IGF2BP2: variants seen among roughly 807,000 people sequenced by gnomAD.
The protein encoded by IGF2BP2 is insulin like growth factor 2 mRNA binding protein 2.
In IGF2BP2, 17 loss-of-function variants were observed where a neutral mutation model predicts 75.8. That is an observed-to-expected ratio of 0.22 (90% CI 0.15 to 0.34). The LOEUF (loss-of-function observed/expected upper bound fraction) is 0.34, where lower values mean the gene tolerates loss of function less well. Ranked by LOEUF, IGF2BP2 falls within the 10% of genes least tolerant of loss-of-function variation. The pLI is 1.00. For synonymous variants in IGF2BP2, 288 were observed against 295.6 expected (o/e 0.97, Z 0.26); for missense variants, 516 against 772.4 (o/e 0.67, Z 3.93).
intron 2 of IGF2BP2, among the ~76,000 whole-genome samples, chr3:185,804,128 G>C (rs1738655770): frequency 6.6e-6 from 1 of 151,930 alleles, no homozygotes; most frequent in Admixed American, 6.6e-5. Context: ...GTGGTGGCAT[G>C]TGCCTGTAAT....
At position 185,644,775 on chromosome 3, in the gene IGF2BP2, T is replaced by C. The variant is rs1330777500; in HGVS notation, c.*756A>G. Reference sequence around the variant, plus strand: ...AGCAAAGAGAAATGGGTGTATGAGCTAGACAGGCATGAGGAGTGACAGAGT... The same window carrying C: ...AGCAAAGAGAAATGGGTGTATGAGCCAGACAGGCATGAGGAGTGACAGAGT... On this transcript the variant is annotated 3_prime_UTR_variant, in exon 16 of 16. Coordinates refer to ENST00000382199, the MANE Select transcript of IGF2BP2 (RefSeq NM_006548.6). 1 of 152,634 alleles carries C rather than the reference T, an allele frequency of 6.6e-6. No individual in the cohort carries two copies. Among genetic ancestry groups the C allele is most frequent in the Non-Finnish European group, 1.5e-5 (1 of 68,056 alleles). The allele number at this position is 152,634 out of a possible 1,614,324, so 9.5% of individuals were successfully genotyped here. A position where few individuals can be genotyped will look rare whatever the true frequency, so the allele number is the denominator to read the frequency against.
chr3:185,765,594 A>G (rs538569774), intron 2 of IGF2BP2, among the ~76,000 whole-genome samples: 53 of 152,300 alleles, frequency 3.5e-4, no homozygotes, highest in African/African-American at 1.2e-3. Flanking sequence ...GAGGGAAAAG[A>G]GGAGAATTGA....
rs2149018557 is a variant in IGF2BP2 at position 185,645,592 on chromosome 3, T to C, written c.1739A>G (p.Gln580Arg). The change falls in exon 16 of 16, where the codon CAA becomes CGA. Residue 580 changes from glutamine (Q) to arginine (R), a missense_variant. This residue lies in a region of IGF2BP2 where 129 missense variants were observed against 230.5 expected (regional missense o/e 0.56). Transcript: ENST00000382199. This position sits in a 1 kb window ranked among gnomAD's most constrained non-coding sequence, Gnocchi z 4.9. Reference protein sequence around the residue: ...TAQRKIREIVQQVKQQEQKYP... With the variant: ...TAQRKIREIVRQVKQQEQKYP... ...TTTCTGCTCCTGCTGCTTCACCTGT[T>C]GTACAATTTCCCTGATCTTGCGCTG... 6.2e-7 allele frequency: 1 copy of C among 1,613,890 alleles called. No individual in the cohort carries two copies. Among genetic ancestry groups the C allele is most frequent in the Non-Finnish European group, 8.5e-7 (1 of 1,179,834 alleles).
chr3:185,736,629 C>T (rs1468578373), intron 2 of IGF2BP2, among the ~76,000 whole-genome samples: 2 of 152,240 alleles, frequency 1.3e-5, no homozygotes, highest in Non-Finnish European at 2.9e-5. Context: ...AATAAGAGAA[C>T]ATCTCTGCAT....
chr3:185,672,708 A>C (rs1437717263), intron 9 of IGF2BP2, 39 bp from the exon 10 acceptor site: 16 of 1,612,404 alleles, frequency 9.9e-6, no homozygotes, highest in Non-Finnish European at 1.3e-5. Flanking sequence ...AAGGGAGGAG[A>C]CCAGAGAGGC....
chr3:185,792,358 A>G (rs1736757245), intron 2 of IGF2BP2, among the ~76,000 whole-genome samples: 1 of 152,138 alleles, frequency 6.6e-6, no homozygotes, highest in Admixed American at 6.5e-5. Context: ...TAATCCCAGA[A>G]CTTTGGGAGG....
intron 3 of IGF2BP2, 114 bp downstream of exon 3, chr3:185,698,185 C>A: frequency 1.2e-6 from 1 of 848,844 alleles, no homozygotes; most frequent in Non-Finnish European, 1.9e-6. Flanking sequence ...AAGAAAGAGG[C>A]AGGACCCAGA....
chr3:185,672,740 C>T (rs1291190633), intron 9 of IGF2BP2, 71 bp from the exon 10 acceptor site: 42 of 1,559,888 alleles, frequency 2.7e-5, no homozygotes, highest in Non-Finnish European at 3.0e-5. Context: ...GGTCAACCTC[C>T]CTCTCTTGTC....
intron 2 of IGF2BP2, among the ~76,000 whole-genome samples, chr3:185,699,147 G>C: frequency 6.6e-6 from 1 of 151,008 alleles, no homozygotes; most frequent in Non-Finnish European, 1.5e-5. Flanking sequence ...CAATTACTTT[G>C]GAAAAAAACA....
At chr3:185,745,669 T>C (rs1730160698) in intron 2 of IGF2BP2, among the ~76,000 whole-genome samples, 1 of 152,178 alleles carries the variant, frequency 6.6e-6, no homozygotes, top group Admixed American at 6.5e-5. Flanking sequence ...TTCTATTCAC[T>C]GAAGCAGGAA....
At chr3:185,786,980 G>C (rs1417671170) in intron 2 of IGF2BP2, among the ~76,000 whole-genome samples, 2 of 151,984 alleles carry the variant, frequency 1.3e-5, no homozygotes, top group Non-Finnish European at 2.9e-5. Flanking sequence ...TTAGTTCAAG[G>C]ACCCCACCAA....
chr3:185,682,734 C>A (rs766987276), intron 7 of IGF2BP2, among the ~76,000 whole-genome samples: 1 of 152,196 alleles, frequency 6.6e-6, no homozygotes, highest in Non-Finnish European at 1.5e-5. Context: ...ATCAAGACCA[C>A]AATGAGCTGT....
intron 10 of IGF2BP2, among the ~76,000 whole-genome samples, chr3:185,665,634 CA>C (rs913739714): frequency 6.6e-6 from 1 of 151,674 alleles, no homozygotes; most frequent in African/African-American, 2.4e-5. Flanking sequence ...AGGATATCTA[CA>C]AAAGAAACAA....
intron 2 of IGF2BP2, among the ~76,000 whole-genome samples, chr3:185,806,179 G>GA (rs970044513): frequency 5.3e-5 from 8 of 150,228 alleles, no homozygotes; most frequent in Non-Finnish European, 8.9e-5. Context: ...CCCTGAAGCA[G>GA]AAAAAAAAAG....
chr3:185,819,749 G>A lies in IGF2BP2; in HGVS notation c.239+3404C>T, dbSNP rs1434695585. On this transcript the variant is annotated intron_variant, in intron 2 of 15. Transcript: ENST00000382199. The stretch of plus-strand genomic sequence containing the variant: ...GTCAACAAATTCTTGAAGTAGGAAG[G>A]TACCACACAATTTTAACCTAATAAA... 2.0e-5 allele frequency among the ~76,000 whole-genome samples: 3 copies of A among 152,136 alleles called. No individual in the cohort carries two copies. In the East Asian group the frequency reaches 5.8e-4, roughly 29 times the overall value.
chr3:185,668,162 C>T (rs2149186563), intron 10 of IGF2BP2, among the ~76,000 whole-genome samples: 1 of 152,002 alleles, frequency 6.6e-6, no homozygotes, highest in South Asian at 2.1e-4. Context: ...TGGAATCAAC[C>T]CAAATGCGTA....
intron 2 of IGF2BP2, among the ~76,000 whole-genome samples, chr3:185,729,373 C>T (rs781707679): frequency 3.9e-5 from 6 of 152,114 alleles, no homozygotes; most frequent in East Asian, 1.9e-4. Context: ...GAATAAAGTC[C>T]GCCTGTCACT....
intron 2 of IGF2BP2, among the ~76,000 whole-genome samples, chr3:185,722,994 T>G (rs1055257989): frequency 6.6e-6 from 1 of 152,150 alleles, no homozygotes; most frequent in Non-Finnish European, 1.5e-5. Context: ...CCCAAAGGGG[T>G]ATGTCATTTT....
At chr3:185,716,338 C>T (rs546736789) in intron 2 of IGF2BP2, 33 of 416,242 alleles carry the variant, frequency 7.9e-5, no homozygotes, top group African/African-American at 3.7e-4. Context: ...TAAACACTGA[C>T]GTAACTGATT....
Sources: allele counts gnomAD v4.1 joint callset (sites outside exome capture counted in the v4.1 genomes callset), GRCh38; gene constraint gnomAD v4.1.1; regional missense constraint gnomAD v4.1.1; non-coding constraint Gnocchi (gnomAD v3.1); transcripts MANE v1.5; gene names NCBI Gene and HGNC (gene_info 2026-07-23, HGNC 2026-07-21).